The following NBPF3 variants were observed in gnomAD, a reference collection of about 807,000 sequenced individuals.
NBPF3 encodes the protein NBPF family member NBPF3.
Under a neutral mutation model 78.1 loss-of-function variants are expected in NBPF3, and 57 were observed. That is an observed-to-expected ratio of 0.73 (90% CI 0.59 to 0.91). NBPF3 has a LOEUF of 0.91. NBPF3 is among the 40% of genes least tolerant of loss of function. The probability of loss-of-function intolerance (pLI) is 0.00; values close to 1 mark genes in which losing one functional copy is unlikely to be tolerated. For missense variants in NBPF3, 510 were observed against 715.3 expected, an observed-to-expected ratio of 0.71 and a Z score of 3.27; for synonymous variants, 182 against 271.7, an observed-to-expected ratio of 0.67 and a Z score of 3.25.
rs1245169446 is a variant in NBPF3, at chr1:21,456,242, C to T, written c.133+11023C>T. On this transcript the variant is annotated intron_variant, in intron 2 of 14. Transcript: ENST00000318249. Reference sequence around the variant, plus strand: ...AAATTAATTCACACAATCAATGACACAAGTTAGCCAAGTCGACATTTAAGC... The same window carrying T: ...AAATTAATTCACACAATCAATGACATAAGTTAGCCAAGTCGACATTTAAGC... 2.6e-5 allele frequency among the ~76,000 whole-genome samples: 4 copies of T among 152,294 alleles called. No individual in the cohort carries two copies. In the East Asian group the frequency reaches 7.7e-4, roughly 29 times the overall value.
chr1:21,479,814 CTCTCTCTG>C (rs1197156230), intron 10 of NBPF3, among the ~76,000 whole-genome samples: 2 of 49,708 alleles, frequency 4.0e-5, no homozygotes, highest in Non-Finnish European at 1.1e-4. Flanking sequence ...CTCTCTCTCT[CTCTCTCTG>C]TGTGTGTGTG....
intron 2 of NBPF3, among the ~76,000 whole-genome samples, chr1:21,458,506 G>A (rs927169195): frequency 2.0e-5 from 3 of 152,194 alleles, no homozygotes; most frequent in South Asian, 2.1e-4. Context: ...TAGCCCAAAC[G>A]TGGAATGATA....
upstream of NBPF3, chr1:21,440,009 C>G (rs1640522802): frequency 1.3e-5 from 2 of 152,442 alleles, no homozygotes; most frequent in South Asian, 4.1e-4. Context: ...CCTGCTCGAA[C>G]CTGTTGTGCA....
intron 2 of NBPF3, among the ~76,000 whole-genome samples, chr1:21,455,442 C>T (rs553918800): frequency 2.0e-5 from 3 of 152,326 alleles, no homozygotes; most frequent in African/African-American, 7.2e-5. Context: ...TAACAGATTT[C>T]TGCTTCTGTC....
intron 5 of NBPF3, 61 bp from the exon 6 acceptor site, chr1:21,472,782 C>G: frequency 8.4e-7 from 1 of 1,193,204 alleles, no homozygotes; most frequent in East Asian, 2.3e-5. Flanking sequence ...GCACATTCGG[C>G]TGACTGTGCT....
At chr1:21,454,636 C>T (rs1558482311) in intron 2 of NBPF3, among the ~76,000 whole-genome samples, 2 of 152,158 alleles carry the variant, frequency 1.3e-5, no homozygotes, top group Admixed American at 6.5e-5. Context: ...TGTAGCTATG[C>T]ACCTTAATAG....
At chr1:21,444,519 A>G (rs542553118) in intron 1 of NBPF3, among the ~76,000 whole-genome samples, 104 of 152,194 alleles carry the variant, frequency 6.8e-4, no homozygotes, top group Non-Finnish European at 1.2e-3. Context: ...CTCAAATATT[A>G]CTTTGTGAAA....
chr1:21,472,931 C>T lies in NBPF3; in HGVS notation c.734+16C>T, dbSNP rs749683903. The T allele has an allele frequency of 1.1e-5, 17 of 1,587,628 alleles. No individual in the cohort carries two copies. The highest frequency in any genetic ancestry group is 1.7e-4 in the Middle Eastern group (1 of 6,038). On this transcript the variant is annotated intron_variant, in intron 6 of 14. Coordinates refer to ENST00000318249, the MANE Select transcript of NBPF3 (RefSeq NM_032264.6). ...ATGCCCCCAGGTAACGCTGAATAAT[C>T]GGGAGCAAGTAATGGGTGGTAACAT... is the stretch of plus-strand genomic sequence containing the variant.
intron 2 of NBPF3, 22 bp downstream of exon 2, chr1:21,445,241 C>T (rs200167088): frequency 2.5e-6 from 4 of 1,609,620 alleles, no homozygotes; most frequent in Non-Finnish European, 3.4e-6. Flanking sequence ...GAGGCATTGC[C>T]AGCTCGGTGG....
intron 2 of NBPF3, among the ~76,000 whole-genome samples, chr1:21,461,581 C>T (rs1325926759): frequency 1.3e-5 from 2 of 152,186 alleles, no homozygotes; most frequent in Admixed American, 1.3e-4. Flanking sequence ...CCTGCCTCAG[C>T]CTTCCAAGTA....
Position 21,473,577 on chromosome 1 carries a change from T to C in NBPF3, c.932T>C (p.Ile311Thr), listed in dbSNP as rs1295000137. ...SHDEWLDAVCIIPENESDHEQ... is the reference protein window; with the variant it reads ...SHDEWLDAVCTIPENESDHEQ... Reference sequence around the variant, plus strand: ...GATGAATGGTTGGATGCTGTATGCATTATCCCAGGTAGCCTCTATTTTCCT... The same window carrying C: ...GATGAATGGTTGGATGCTGTATGCACTATCCCAGGTAGCCTCTATTTTCCT... The change falls in exon 7 of 15, where the codon ATT (isoleucine) becomes ACT (threonine). Residue 311 changes from isoleucine to threonine, a missense_variant. Coordinates refer to ENST00000318249, the MANE Select transcript of NBPF3 (RefSeq NM_032264.6). 1.2e-6 allele frequency: 2 copies of C among 1,613,756 alleles called. No individual in the cohort carries two copies. Among genetic ancestry groups the C allele is most frequent in the African/African-American group, 2.7e-5 (2 of 74,940 alleles).
At chr1:21,471,872 G>T in intron 5 of NBPF3, 89 bp downstream of exon 5, 2 of 1,543,134 alleles carry the variant, frequency 1.3e-6, no homozygotes, top group Non-Finnish European at 1.8e-6. Flanking sequence ...ATTTGTATCG[G>T]TGGTGTTTTT....
rs531690713 is a variant in NBPF3, at chr1:21,476,336, G to T, written c.992+1385G>T. ...CATGATGATGTGAGCTGGTTATTTT[G>T]CCTGTTAGTTGATGCACTTTCTTCC... On this transcript the variant is annotated intron_variant, in intron 8 of 14. Transcript: ENST00000318249. The surrounding 1 kb of genome is among the most constrained non-coding windows in gnomAD (Gnocchi z 4.1). Among the ~76,000 whole-genome samples the T allele has an allele frequency of 2.2e-4, 33 of 152,242 alleles. No individual in the cohort carries two copies. Among genetic ancestry groups the T allele is most frequent in the African/African-American group, 7.7e-4 (32 of 41,548 alleles).
At chr1:21,462,209 C>T (rs978048778) in intron 2 of NBPF3, among the ~76,000 whole-genome samples, 11 of 152,140 alleles carry the variant, frequency 7.2e-5, no homozygotes, top group Admixed American at 4.6e-4. Context: ...ATTACGCAGC[C>T]GCCGGTATTC....
intron 2 of NBPF3, among the ~76,000 whole-genome samples, chr1:21,467,993 C>T (rs1173009006): frequency 2.6e-5 from 4 of 152,174 alleles, no homozygotes; most frequent in Non-Finnish European, 4.4e-5. Context: ...ACATTTTTTA[C>T]AAATGAGTTA....
upstream of NBPF3, chr1:21,437,619 G>T: frequency 2.3e-6 from 1 of 432,944 alleles, no homozygotes; most frequent in Non-Finnish European, 4.0e-6. Context: ...GTGTGACTCT[G>T]CACTAATATG....
chr1:21,464,191 T>A (rs138528455), intron 2 of NBPF3, among the ~76,000 whole-genome samples: 2,080 of 152,318 alleles, frequency 0.014, 55 homozygotes, highest in African/African-American at 0.046. Context: ...GCAGCATTAT[T>A]CATAATAGTT....
intron 10 of NBPF3, among the ~76,000 whole-genome samples, 199 bp downstream of exon 10, chr1:21,479,599 T>C (rs1030864970): frequency 1.3e-5 from 2 of 152,222 alleles, no homozygotes; most frequent in Non-Finnish European, 2.9e-5. Flanking sequence ...TTTACTAACC[T>C]AGTGAAGGTT....
intron 2 of NBPF3, among the ~76,000 whole-genome samples, chr1:21,463,965 GTGA>G (rs2147961182): frequency 6.6e-6 from 1 of 152,366 alleles, no homozygotes; most frequent in Admixed American, 6.5e-5. Context: ...TGTTTCAAAA[GTGA>G]TGGAGAATAT....
Sources: gnomAD v4.1 joint callset for allele counts (sites outside exome capture counted in the v4.1 genomes callset) on GRCh38, gnomAD v4.1.1 for gene constraint, Gnocchi (gnomAD v3.1) non-coding constraint, MANE v1.5 for transcripts, NCBI Gene and HGNC (gene_info 2026-07-23, HGNC 2026-07-21) for gene names.